IWS1: variants seen among roughly 807,000 people sequenced by gnomAD.
IWS1 encodes the protein interacts with SUPT6H, CTD assembly factor 1.
In IWS1, 27 loss-of-function variants were observed where a neutral mutation model predicts 86.7. The observed-to-expected ratio is 0.31, with a 90% CI of 0.23 to 0.43. The LOEUF (loss-of-function observed/expected upper bound fraction) is 0.43. IWS1 is among the 20% of genes least tolerant of loss of function. IWS1 has a pLI of 1.00. For missense variants in IWS1, 827 were observed against 1,000.8 expected (o/e 0.83, Z 2.34); for synonymous variants, 313 against 335.1 (o/e 0.93, Z 0.72).
chr2:127,503,705 T>A lies in IWS1; in HGVS notation c.1220-129A>T, dbSNP rs1185842106. On this transcript the variant is annotated intron_variant, in intron 3 of 13. Coordinates refer to ENST00000295321, the MANE Select transcript of IWS1 (RefSeq NM_017969.3). ...ATAAATAAATAAATAAATAAATAAATAAAATAAAATCAGAGGGCCTCCTGA... is the reference window on the plus strand; with the variant it reads ...ATAAATAAATAAATAAATAAATAAAAAAAATAAAATCAGAGGGCCTCCTGA... 1.0e-5 allele frequency: 3 copies of A among 298,738 alleles called. No individual in the cohort carries two copies. The highest frequency in any genetic ancestry group is 7.3e-5 in the African/African-American group (3 of 40,954). 18.5% of individuals were successfully genotyped at this position (298,738 alleles called of 1,614,324 possible). A position where few individuals can be genotyped will look rare whatever the true frequency, so the allele number is the denominator to read the frequency against.
intron 9 of IWS1, chr2:127,492,855 C>T (rs1690304219): frequency 6.5e-6 from 1 of 153,208 alleles, no homozygotes; most frequent in Non-Finnish European, 1.5e-5. Context: ...ATATAAAGCA[C>T]CTGGCACAGT....
intron 2 of IWS1, among the ~76,000 whole-genome samples, chr2:127,517,824 T>A (rs1691858756): frequency 6.6e-6 from 1 of 152,130 alleles, no homozygotes; most frequent in African/African-American, 2.4e-5. Context: ...CCAAATGTCA[T>A]CAGCTGATGA....
intron 5 of IWS1, among the ~76,000 whole-genome samples, chr2:127,500,915 C>T (rs1690768017): frequency 1.3e-5 from 2 of 152,162 alleles, no homozygotes; most frequent in Non-Finnish European, 2.9e-5. Flanking sequence ...CTACAACATG[C>T]ACCCTAACTT....
At chr2:127,506,789 TTGAAA>T (rs1282388922) in intron 2 of IWS1, 1 of 167,612 alleles carries the variant, frequency 6.0e-6, no homozygotes, top group Non-Finnish European at 1.5e-5. Context: ...ATAATGTTAC[TTGAAA>T]TAATTACTCT....
In IWS1 at chr2:127,505,800, A is replaced by T. The variant is rs780974605; in HGVS notation, c.151-48T>A. 6.9e-6 allele frequency: 8 copies of T among 1,155,558 alleles called. No homozygotes were observed. Among genetic ancestry groups the T allele is most frequent in the Middle Eastern group, 2.3e-4 (1 of 4,360 alleles). 71.6% of individuals were successfully genotyped at this position (1,155,558 alleles called of 1,614,324 possible). ...ATTAGGAAAGTGCAAAAAAAAAAAA[A>T]CCATTAATAATAAAACATTAAATTT... On this transcript the variant is annotated intron_variant, in intron 2 of 13. Transcript: ENST00000295321. This position sits in a 1 kb window ranked among gnomAD's most constrained non-coding sequence, Gnocchi z 5.0.
At chr2:127,493,559 C>G in intron 8 of IWS1, 149 bp from the exon 9 acceptor site, 1 of 649,056 alleles carries the variant, frequency 1.5e-6, no homozygotes, top group South Asian at 2.4e-5. Context: ...ATTCTGGTTT[C>G]GAAAGCAGTA....
At position 127,523,795 on chromosome 2, in the gene IWS1, A is replaced by C; in HGVS notation, c.35-4T>G. 1.2e-6 allele frequency: 2 copies of C among 1,602,754 alleles called. No individual in the cohort carries two copies. Among genetic ancestry groups the C allele is most frequent in the South Asian group, 2.2e-5 (2 of 89,456 alleles). On this transcript the variant is annotated splice_region_variant and splice_polypyrimidine_tract_variant and intron_variant, in intron 1 of 13. Coordinates refer to ENST00000295321, the MANE Select transcript of IWS1 (RefSeq NM_017969.3). Reference sequence around the variant, plus strand: ...ACTGGGGTAGCACCACCATCATCTGATTAAAAACAAAACAAAAACCAACTT... The same window carrying C: ...ACTGGGGTAGCACCACCATCATCTGCTTAAAAACAAAACAAAAACCAACTT...
chr2:127,481,587 C>T (rs1689632722), intron 13 of IWS1, among the ~76,000 whole-genome samples: 1 of 152,114 alleles, frequency 6.6e-6, no homozygotes, highest in South Asian at 2.1e-4. Context: ...AAAAGAATGA[C>T]CTAAAGCAAA....
chr2:127,521,892 T>C (rs775007621), intron 2 of IWS1, among the ~76,000 whole-genome samples: 2 of 152,162 alleles, frequency 1.3e-5, no homozygotes, highest in Non-Finnish European at 2.9e-5. Flanking sequence ...CATGAGGCCA[T>C]GAGATGACTA....
At chr2:127,485,537 C>T (rs1285084326) in intron 13 of IWS1, among the ~76,000 whole-genome samples, 1 of 152,204 alleles carries the variant, frequency 6.6e-6, no homozygotes, top group African/African-American at 2.4e-5. Flanking sequence ...CAGGAAACCA[C>T]TAACTAGTTT....
rs147467662 is a variant in IWS1, at chr2:127,513,289, C to T, written c.151-7537G>A. On this transcript the variant is annotated intron_variant, in intron 2 of 13. Transcript: ENST00000295321. The stretch of plus-strand genomic sequence containing the variant: ...AGGTTTAATTAACTTGATTTGGAAA[C>T]CATATAATAACACAGTTGGGGACAG... Among the ~76,000 whole-genome samples the T allele has an allele frequency of 7.8e-3, 1,182 of 152,054 alleles. 19 individuals are homozygous for T. Among genetic ancestry groups the T allele is most frequent in the African/African-American group, 0.027 (1,127 of 41,470 alleles).
intron 2 of IWS1, among the ~76,000 whole-genome samples, chr2:127,519,464 T>C (rs1469864463): frequency 6.6e-6 from 1 of 151,772 alleles, no homozygotes; most frequent in African/African-American, 2.4e-5. Context: ...CTGACCACTA[T>C]CTTAAAGATT....
intron 3 of IWS1, among the ~76,000 whole-genome samples, chr2:127,503,958 C>A (rs940146121): frequency 6.6e-6 from 1 of 152,186 alleles, no homozygotes; most frequent in Non-Finnish European, 1.5e-5. Flanking sequence ...AAAAGGACTA[C>A]ATATTTCTTT....
At chr2:127,501,872 TCA>T (rs1221926103) in intron 5 of IWS1, 2 of 152,206 alleles carry the variant, frequency 1.3e-5, no homozygotes, top group African/African-American at 4.8e-5. Context: ...GTTTTTAATT[TCA>T]GTTACTGTAT....
intron 5 of IWS1, 39 bp from the exon 6 acceptor site, chr2:127,498,276 T>C: frequency 3.8e-6 from 6 of 1,589,436 alleles, no homozygotes; most frequent in South Asian, 1.1e-5. Flanking sequence ...ACAGATTTTC[T>C]TCTGTATTAA....
chr2:127,486,764 T>C lies in IWS1; in HGVS notation c.2217-100A>G, dbSNP rs948330055. On this transcript the variant is annotated intron_variant, in intron 12 of 13. Transcript: ENST00000295321. Reference sequence around the variant, plus strand: ...CTGTTCCTACATCCACCCATTAAGCTGCAATGTTCGAAACTCCTCTACTCC... The same window carrying C: ...CTGTTCCTACATCCACCCATTAAGCCGCAATGTTCGAAACTCCTCTACTCC... The C allele has an allele frequency of 6.9e-5, 63 of 914,314 alleles. No homozygotes were observed. The East Asian group carries it at 1.6e-3, about 24-fold the overall frequency. The allele number at this position is 914,314 out of a possible 1,614,324, so 56.6% of individuals were successfully genotyped here.
At position 127,489,687 on chromosome 2, in the gene IWS1, A is replaced by C. The variant is rs957455662; in HGVS notation, c.2159+145T>G. On this transcript the variant is annotated intron_variant, in intron 11 of 13. Coordinates refer to ENST00000295321, the MANE Select transcript of IWS1 (RefSeq NM_017969.3). The surrounding 1 kb of genome is among the most constrained non-coding windows in gnomAD (Gnocchi z 4.8). ...ACTATACACTATCACATTTAAACTA[A>C]AAGGATATTATGAATTATGTACACA... 6.6e-5 allele frequency: 43 copies of C among 656,380 alleles called. No homozygotes were observed. The highest frequency in any genetic ancestry group is 3.3e-4 in the Admixed American group (13 of 39,668). The allele number at this position is 656,380 out of a possible 1,614,324, so 40.7% of individuals were successfully genotyped here. A position where few individuals can be genotyped will look rare whatever the true frequency, so the allele number is the denominator to read the frequency against.
chr2:127,516,006 T>C (rs557467279), intron 2 of IWS1, among the ~76,000 whole-genome samples: 1 of 152,256 alleles, frequency 6.6e-6, no homozygotes, highest in South Asian at 2.1e-4. Flanking sequence ...GGCTCTACCT[T>C]GGGTGGACCA....
chr2:127,485,720 G>C (rs1689892799), intron 13 of IWS1, among the ~76,000 whole-genome samples: 1 of 152,136 alleles, frequency 6.6e-6, no homozygotes, highest in African/African-American at 2.4e-5. Flanking sequence ...TATTCAAGAG[G>C]CCTTGAATAT....
Sources: allele counts gnomAD v4.1 joint callset (sites outside exome capture counted in the v4.1 genomes callset), GRCh38; gene constraint gnomAD v4.1.1; non-coding constraint Gnocchi (gnomAD v3.1); transcripts MANE v1.5; gene names NCBI Gene and HGNC (gene_info 2026-07-23, HGNC 2026-07-21).